IGF1R: variants seen among roughly 807,000 people sequenced by gnomAD.
IGF1R encodes insulin-like growth factor 1 receptor.
IGF1R carries 44 observed loss-of-function variants against 144.6 expected under a neutral mutation model. The observed-to-expected ratio is 0.30, with a 90% CI of 0.24 to 0.39. The LOEUF (loss-of-function observed/expected upper bound fraction) is 0.39, where lower values mean the gene tolerates loss of function less well. Among genes scored for constraint, IGF1R ranks in the 10% least tolerant of loss-of-function variants. IGF1R has a pLI of 1.00. For missense variants in IGF1R, 1,355 were observed against 1,833.7 expected (o/e 0.74, Z 4.77); for synonymous variants, 795 against 722.8 (o/e 1.10, Z -1.60).
At chr15:98,927,210 G>A (rs1014058988) in intron 13 of IGF1R, among the ~76,000 whole-genome samples, 24 of 152,184 alleles carry the variant, frequency 1.6e-4, no homozygotes, top group African/African-American at 5.1e-4. Context: ...TTGGATCTGC[G>A]TGCTGGCCTT....
intron 1 of IGF1R, among the ~76,000 whole-genome samples, chr15:98,676,975 AC>A: frequency 6.6e-6 from 1 of 151,900 alleles, no homozygotes; most frequent in South Asian, 2.1e-4. Flanking sequence ...TCGCTCCGTT[AC>A]CCAGGCTGGA....
At chr15:98,878,704 A>ACAG (rs1567174407) in intron 2 of IGF1R, among the ~76,000 whole-genome samples, 2 of 150,032 alleles carry the variant, frequency 1.3e-5, no homozygotes, top group African/African-American at 4.9e-5. Context: ...AACAACAACA[A>ACAG]AAAAAAGGCC....
At chr15:98,760,381 A>C (rs1442639104) in intron 2 of IGF1R, among the ~76,000 whole-genome samples, 1 of 152,040 alleles carries the variant, frequency 6.6e-6, no homozygotes, top group African/African-American at 2.4e-5. Flanking sequence ...CATAGTGATA[A>C]ATAAAGTAAT....
At position 98,959,050 on chromosome 15, in the gene IGF1R, C is replaced by T; in HGVS notation, c.*1608C>T. On this transcript the variant is annotated 3_prime_UTR_variant, in exon 21 of 21. Transcript: ENST00000650285. ...CAGCCTGCCCTCACAGCATTGGAGC[C>T]TGTTACAGTGCAAGACATGATACAA... The T allele has an allele frequency of 4.3e-6, 1 of 233,312 alleles. No homozygotes were observed. Among genetic ancestry groups the T allele is most frequent in the Non-Finnish European group, 8.5e-6 (1 of 118,048 alleles). 14.5% of individuals were successfully genotyped at this position (233,312 alleles called of 1,614,324 possible). A position where few individuals can be genotyped will look rare whatever the true frequency, so the allele number is the denominator to read the frequency against.
intron 2 of IGF1R, among the ~76,000 whole-genome samples, chr15:98,729,139 C>CT (rs2054436440): frequency 6.6e-6 from 1 of 152,204 alleles, no homozygotes; most frequent in African/African-American, 2.4e-5. Flanking sequence ...GAATTTGTGT[C>CT]TGATTTATAC....
intron 1 of IGF1R, among the ~76,000 whole-genome samples, chr15:98,674,151 C>G (rs1040838533): frequency 2.6e-5 from 4 of 151,040 alleles, no homozygotes; most frequent in African/African-American, 9.7e-5. Flanking sequence ...TAAAATACTA[C>G]TATACAGGAA....
intron 1 of IGF1R, among the ~76,000 whole-genome samples, chr15:98,689,452 T>TG (rs2053421274): frequency 6.6e-6 from 1 of 151,542 alleles, no homozygotes; most frequent in African/African-American, 2.4e-5. Context: ...TTATTCAAAT[T>TG]CTGACCTCAA....
At chr15:98,794,227 G>A (rs570995551) in intron 2 of IGF1R, among the ~76,000 whole-genome samples, 6 of 152,280 alleles carry the variant, frequency 3.9e-5, no homozygotes, top group South Asian at 2.1e-4. Flanking sequence ...TTTTGGATTC[G>A]TGGCCATAGT....
intron 2 of IGF1R, among the ~76,000 whole-genome samples, chr15:98,849,907 C>T (rs555257981): frequency 5.7e-4 from 87 of 152,294 alleles, no homozygotes; most frequent in African/African-American, 2.0e-3. Context: ...TATTTGATAA[C>T]ACACTCTTTG....
rs1402766068 is a variant in IGF1R at position 98,649,209 on chromosome 15, C to T, written c.-373C>T. 6 of 218,758 alleles carry T rather than the reference C, an allele frequency of 2.7e-5. No homozygotes were observed. Among genetic ancestry groups the T allele is most frequent in the East Asian group, 1.9e-4 (3 of 15,562 alleles). 13.6% of individuals were successfully genotyped at this position (218,758 alleles called of 1,614,324 possible). ...GCGGCCAGGGCCGGGCTTGTTTTTC[C>T]TCGCCTAGGCAGATTTGGGCTTTGC... On this transcript the variant is annotated 5_prime_UTR_variant, in exon 1 of 21. Transcript: ENST00000650285.
chr15:98,927,555 C>T (rs1195369476), intron 13 of IGF1R, among the ~76,000 whole-genome samples: 1 of 152,166 alleles, frequency 6.6e-6, no homozygotes, highest in African/African-American at 2.4e-5. Flanking sequence ...GAACACAGTA[C>T]AGCCTGACCA....
In IGF1R at chr15:98,704,103, T is replaced by C. The variant is rs1286010159; in HGVS notation, c.95-3459T>C. ...CCCGGCCCCCTTCAGCTGTGATGTG[T>C]CTTTTCCACACATGCCCAGATTCCC... On this transcript the variant is annotated intron_variant, in intron 1 of 20. Transcript: ENST00000650285. This position sits in a 1 kb window ranked among gnomAD's most constrained non-coding sequence, Gnocchi z 4.9. 6.6e-6 allele frequency among the ~76,000 whole-genome samples: 1 copy of C among 152,198 alleles called. No individual in the cohort carries two copies. The highest frequency in any genetic ancestry group is 2.1e-4 in the South Asian group (1 of 4,830).
intron 4 of IGF1R, among the ~76,000 whole-genome samples, 187 bp downstream of exon 4, chr15:98,897,092 A>G (rs545086147): frequency 1.2e-4 from 18 of 152,294 alleles, no homozygotes; most frequent in African/African-American, 3.6e-4. Flanking sequence ...TTGAAAGGCA[A>G]TCTGTCTTTT....
chr15:98,663,728 T>A lies in IGF1R; in HGVS notation c.94+14053T>A, dbSNP rs140869308. Among the ~76,000 whole-genome samples the A allele has an allele frequency of 1.6e-4, 25 of 152,332 alleles. No homozygotes were observed. In the East Asian group the frequency reaches 4.8e-3, roughly 29 times the overall value. On this transcript the variant is annotated intron_variant, in intron 1 of 20. Coordinates refer to ENST00000650285, the MANE Select transcript of IGF1R (RefSeq NM_000875.5). ...TCTGGGCTGGGCCAGGCTGATGCAG[T>A]GGCCTTGGGCTTCCCGAGGCTGGGA...
intron 2 of IGF1R, among the ~76,000 whole-genome samples, chr15:98,886,601 G>A (rs1417063553): frequency 6.6e-6 from 1 of 152,156 alleles, no homozygotes; most frequent in East Asian, 1.9e-4. Context: ...GGAAGCCAGA[G>A]AAGAGGGTCC....
intron 2 of IGF1R, among the ~76,000 whole-genome samples, chr15:98,737,359 G>A (rs2054634871): frequency 6.6e-6 from 1 of 152,156 alleles, no homozygotes. Context: ...GTCTTTCAAT[G>A]TGGAGATTAG....
chr15:98,731,045 A>G (rs1383926086), intron 2 of IGF1R, among the ~76,000 whole-genome samples: 1 of 152,228 alleles, frequency 6.6e-6, no homozygotes, highest in Non-Finnish European at 1.5e-5. Flanking sequence ...TGTGGAATCA[A>G]TTAGATGAAT....
intron 2 of IGF1R, among the ~76,000 whole-genome samples, chr15:98,858,638 A>G (rs1251321243): frequency 6.6e-6 from 1 of 152,204 alleles, no homozygotes; most frequent in Non-Finnish European, 1.5e-5. Flanking sequence ...CTTCGGAGGC[A>G]CAGACTCCAC....
At chr15:98,724,546 A>G (rs1186244236) in intron 2 of IGF1R, among the ~76,000 whole-genome samples, 1 of 152,194 alleles carries the variant, frequency 6.6e-6, no homozygotes, top group African/African-American at 2.4e-5. Context: ...CCATTTTCTG[A>G]TTAAGCTGAG....
Sources: allele counts gnomAD v4.1 joint callset (sites outside exome capture counted in the v4.1 genomes callset), GRCh38; gene constraint gnomAD v4.1.1; non-coding constraint Gnocchi (gnomAD v3.1); transcripts MANE v1.5; gene names NCBI Gene and HGNC (gene_info 2026-07-23, HGNC 2026-07-21).